The following FGD4 variants were observed in gnomAD, a reference collection of about 807,000 sequenced individuals.
FGD4 encodes the protein FYVE, RhoGEF and PH domain-containing protein 4.
In FGD4, 42 loss-of-function variants were observed where a neutral mutation model predicts 102.0. That is an observed-to-expected ratio of 0.41 (90% CI 0.32 to 0.53). The LOEUF (loss-of-function observed/expected upper bound fraction) is 0.53, where lower values mean the gene tolerates loss of function less well. FGD4 is among the 20% of genes least tolerant of loss of function. FGD4 has a pLI of 0.21. For synonymous variants in FGD4, 380 were observed against 375.7 expected, an observed-to-expected ratio of 1.01 and a Z score of -0.13; for missense variants, 902 against 1,078.2, an observed-to-expected ratio of 0.84 and a Z score of 2.29.
intron 1 of FGD4, among the ~76,000 whole-genome samples, chr12:32,536,223 G>A (rs1417937735): frequency 6.6e-6 from 1 of 152,088 alleles, no homozygotes; most frequent in Non-Finnish European, 1.5e-5. Flanking sequence ...TTCTTTGGAA[G>A]AATGATAACT....
chr12:32,495,706 A>AAAG (rs1555188646), intron 1 of FGD4, among the ~76,000 whole-genome samples: 8 of 146,222 alleles, frequency 5.5e-5, no homozygotes, highest in Admixed American at 6.8e-5. Context: ...AAAAAAAAAA[A>AAAG]AAAAAAGAAG....
chr12:32,604,710 A>T (rs60143478), intron 7 of FGD4, among the ~76,000 whole-genome samples: 13,753 of 152,072 alleles, frequency 0.09, 2,081 homozygotes, highest in African/African-American at 0.31. Context: ...TCAGCAGAGG[A>T]GCTGCCAGTC....
chr12:32,598,574 C>A lies in FGD4; in HGVS notation c.1089C>A (p.Asp363Glu). The A allele has an allele frequency of 6.2e-7, 1 of 1,612,682 alleles. No individual in the cohort carries two copies. The highest frequency in any genetic ancestry group is 8.5e-7 in the Non-Finnish European group (1 of 1,178,894). The change falls in exon 5 of 17, where the codon GAC becomes GAA. Residue 363 changes from aspartate (D) to glutamate (E), a missense_variant. Asp to Glu is a conservative substitution (Grantham distance 45). This residue lies in a region of FGD4 where 443 missense variants were observed against 459.2 expected (regional missense o/e 0.96). Coordinates refer to ENST00000534526, the MANE Select transcript of FGD4 (RefSeq NM_001370298.3). ...AAAGAGCTTATGTCAACCGACTTGACCTCTTAGATCAGGTAAGATTTTCTT... is the reference window on the plus strand; with the variant it reads ...AAAGAGCTTATGTCAACCGACTTGAACTCTTAGATCAGGTAAGATTTTCTT... ...LTERAYVNRLDLLDQVFYCKL... is the reference protein window; with the variant it reads ...LTERAYVNRLELLDQVFYCKL...
intron 1 of FGD4, among the ~76,000 whole-genome samples, chr12:32,528,539 A>T (rs1426326579): frequency 6.6e-6 from 1 of 151,750 alleles, no homozygotes; most frequent in East Asian, 1.9e-4. Flanking sequence ...ACAGGTGCGC[A>T]CCACCACGCC....
At chr12:32,404,478 G>T (rs1185106958) in intron 1 of FGD4, among the ~76,000 whole-genome samples, 1 of 151,996 alleles carries the variant, frequency 6.6e-6, no homozygotes, top group Non-Finnish European at 1.5e-5. Context: ...GAAAAAATAG[G>T]TGGTATTATT....
At chr12:32,573,547 C>CT (rs1167307751) in intron 2 of FGD4, among the ~76,000 whole-genome samples, 1 of 152,190 alleles carries the variant, frequency 6.6e-6, no homozygotes, top group Admixed American at 6.5e-5. Context: ...GGCAAAGTAT[C>CT]TGTTACTTTT....
chr12:32,504,387 T>C (rs1938503153), intron 1 of FGD4, among the ~76,000 whole-genome samples: 1 of 152,150 alleles, frequency 6.6e-6, no homozygotes, highest in African/African-American at 2.4e-5. Flanking sequence ...CCTGGTGAGA[T>C]GTCCACTTCC....
At chr12:32,531,214 G>T (rs1353572966) in intron 1 of FGD4, among the ~76,000 whole-genome samples, 2 of 151,946 alleles carry the variant, frequency 1.3e-5, no homozygotes, top group Non-Finnish European at 2.9e-5. Context: ...CTCCCAAAGT[G>T]CTGGGATTAT....
At chr12:32,512,575 G>A (rs1206641878) in intron 1 of FGD4, among the ~76,000 whole-genome samples, 2 of 152,104 alleles carry the variant, frequency 1.3e-5, no homozygotes, top group African/African-American at 4.8e-5. Context: ...CTGCCACCTT[G>A]TCACAGAAAA....
intron 1 of FGD4, 132 bp from the exon 2 acceptor site, chr12:32,563,992 AAAGAGAGGGAGAC>A: frequency 1.3e-6 from 1 of 782,408 alleles, no homozygotes; most frequent in South Asian, 1.9e-5. Flanking sequence ...GAGACCGTGG[AAAGAGAGGGAGAC>A]CGTGGAAAGG....
intron 1 of FGD4, among the ~76,000 whole-genome samples, chr12:32,414,163 T>G (rs1382910868): frequency 6.6e-6 from 1 of 152,000 alleles, no homozygotes; most frequent in Admixed American, 6.6e-5. Flanking sequence ...GTAGAGACAG[T>G]GTTTCACCAT....
intron 1 of FGD4, among the ~76,000 whole-genome samples, chr12:32,447,262 AC>A: frequency 6.6e-6 from 1 of 151,962 alleles, no homozygotes; most frequent in East Asian, 1.9e-4. Context: ...TGAAAATAAA[AC>A]CCTTGCTTGT....
chr12:32,522,141 C>G (rs942062997), intron 1 of FGD4, among the ~76,000 whole-genome samples: 2 of 152,122 alleles, frequency 1.3e-5, no homozygotes, highest in African/African-American at 4.8e-5. Flanking sequence ...TATTTAAAAG[C>G]TGACTAAATT....
chr12:32,561,658 CAG>C (rs1050434883), intron 1 of FGD4, among the ~76,000 whole-genome samples: 4 of 152,150 alleles, frequency 2.6e-5, no homozygotes, highest in African/African-American at 7.2e-5. Context: ...TTCTCTGAAG[CAG>C]AGTCAGTGGT....
intron 1 of FGD4, among the ~76,000 whole-genome samples, chr12:32,495,295 A>G (rs1213731113): frequency 6.6e-6 from 1 of 152,170 alleles, no homozygotes; most frequent in African/African-American, 2.4e-5. Context: ...TTGTGAACCT[A>G]TATTCACAGC....
chr12:32,610,333 T>A (rs1000845075), intron 8 of FGD4, among the ~76,000 whole-genome samples: 1 of 152,224 alleles, frequency 6.6e-6, no homozygotes, highest in East Asian at 1.9e-4. Context: ...ACACTGTAAG[T>A]TTCAAAGTCT....
At chr12:32,609,104 T>C (rs1043390188) in intron 8 of FGD4, among the ~76,000 whole-genome samples, 1 of 152,124 alleles carries the variant, frequency 6.6e-6, no homozygotes, top group Admixed American at 6.5e-5. Flanking sequence ...CCTCAGATGA[T>C]CCACCCACCT....
intron 1 of FGD4, among the ~76,000 whole-genome samples, chr12:32,560,976 T>C (rs1421361416): frequency 1.3e-5 from 2 of 151,968 alleles, no homozygotes. Context: ...GAGACAATAC[T>C]TGGAACTCTT....
chr12:32,560,999 A>C (rs983441491), intron 1 of FGD4, among the ~76,000 whole-genome samples: 3 of 151,440 alleles, frequency 2.0e-5, no homozygotes, highest in Non-Finnish European at 4.4e-5. Context: ...TATTTTCCAA[A>C]ATCTGTTTTA....
Sources: allele counts gnomAD v4.1 joint callset (sites outside exome capture counted in the v4.1 genomes callset), GRCh38; gene constraint gnomAD v4.1.1; regional missense constraint gnomAD v4.1.1; transcripts MANE v1.5; gene names NCBI Gene and HGNC (gene_info 2026-07-23, HGNC 2026-07-21).